Variants in UBE2D2 observed in about 807,000 individuals in gnomAD.
UBE2D2 encodes ubiquitin-conjugating enzyme E2 D2.
UBE2D2 carries 2 observed loss-of-function variants against 24.2 expected under a neutral mutation model. The ratio of observed to expected loss-of-function variants is 0.08; its 90% CI spans 0.03 to 0.26. UBE2D2 has a LOEUF of 0.26. UBE2D2 is among the 10% of genes least tolerant of loss of function. The pLI is 1.00. For synonymous variants in UBE2D2, 58 were observed against 56.5 expected, an observed-to-expected ratio of 1.03 and a Z score of -0.12; for missense variants, 44 against 177.6, an observed-to-expected ratio of 0.25 and a Z score of 4.28.
chr5:139,597,393 A>G (rs571859597), intron 1 of UBE2D2, among the ~76,000 whole-genome samples: 7 of 152,326 alleles, frequency 4.6e-5, no homozygotes, highest in South Asian at 2.1e-4. Context: ...CCATCAGCCA[A>G]GGAAGTGTTG....
At chr5:139,603,026 G>C (rs1379917259) in intron 2 of UBE2D2, among the ~76,000 whole-genome samples, 2 of 151,996 alleles carry the variant, frequency 1.3e-5, no homozygotes, top group African/African-American at 4.8e-5. Flanking sequence ...TTAGAAAAAA[G>C]TCCCATGAGA....
At chr5:139,548,999 C>A (rs960182875) in intron 1 of UBE2D2, among the ~76,000 whole-genome samples, 1 of 152,090 alleles carries the variant, frequency 6.6e-6, no homozygotes, top group Admixed American at 6.6e-5. Flanking sequence ...CAGGCGCGTG[C>A]CACCATGCCC....
chr5:139,552,633 C>T (rs1200113185), intron 1 of UBE2D2, among the ~76,000 whole-genome samples: 4 of 150,400 alleles, frequency 2.7e-5, no homozygotes, highest in Admixed American at 1.3e-4. Flanking sequence ...CTCAGCCTCC[C>T]GAGTAGCTGT....
intron 1 of UBE2D2, chr5:139,562,126 G>C (rs147671297): frequency 0.012 from 13,459 of 1,132,058 alleles, 124 homozygotes; most frequent in Middle Eastern, 0.035. Flanking sequence ...GGCCATTGTC[G>C]GGCCAGGATG....
chr5:139,548,984 G>C (rs1026628020), intron 1 of UBE2D2, among the ~76,000 whole-genome samples: 2 of 151,992 alleles, frequency 1.3e-5, no homozygotes, highest in Non-Finnish European at 2.9e-5. Flanking sequence ...GAGTAGCTGG[G>C]ATTACAGGCG....
intron 1 of UBE2D2, among the ~76,000 whole-genome samples, chr5:139,526,799 C>CA (rs533535296): frequency 3.2e-4 from 48 of 152,296 alleles, no homozygotes; most frequent in Admixed American, 1.9e-3. Context: ...GGTGTGCCTG[C>CA]ATTGGCACTT....
chr5:139,570,251 G>T (rs1368049080), intron 1 of UBE2D2, among the ~76,000 whole-genome samples: 1 of 152,108 alleles, frequency 6.6e-6, no homozygotes, highest in Admixed American at 6.6e-5. Context: ...AGCCTGGGCA[G>T]CAGAGCCAGA....
At chr5:139,536,145 G>T (rs1203512873) in intron 1 of UBE2D2, among the ~76,000 whole-genome samples, 6 of 151,370 alleles carry the variant, frequency 4.0e-5, no homozygotes, top group African/African-American at 1.5e-4. Context: ...TGTTGCCCAG[G>T]CTAGAGTGCA....
At chr5:139,540,739 C>A (rs1003896422) in intron 1 of UBE2D2, among the ~76,000 whole-genome samples, 18 of 152,100 alleles carry the variant, frequency 1.2e-4, no homozygotes, top group Non-Finnish European at 2.6e-4. Flanking sequence ...GCCTGTAATG[C>A]CAGCACTTTG....
At chr5:139,554,972 G>A (rs1484695544) in intron 1 of UBE2D2, 1 of 152,040 alleles carries the variant, frequency 6.6e-6, no homozygotes, top group Non-Finnish European at 1.5e-5. Flanking sequence ...TGATCAATTA[G>A]TTGTAAACAT....
upstream of UBE2D2, among the ~76,000 whole-genome samples, chr5:139,557,634 G>A (rs1753000004): frequency 6.6e-6 from 1 of 151,794 alleles, no homozygotes; most frequent in African/African-American, 2.4e-5. Context: ...CTGTATCCCA[G>A]CTACTTGGGA....
In UBE2D2 at chr5:139,547,806, T is replaced by C. The variant is rs562498978; in HGVS notation, c.-64+21194T>C. ...GCCTCTCAGGTTCAAGTGATTCTCC[T>C]GCCTCAGCCTCCTGAGTAGCTGGGA... On this transcript the variant is annotated intron_variant, in intron 1 of 6. Transcript: ENST00000511725. Among the ~76,000 whole-genome samples, 7 of 152,098 alleles carry C rather than the reference T, an allele frequency of 4.6e-5. No homozygotes were observed. The South Asian group carries it at 1.5e-3, about 32-fold the overall frequency.
At chr5:139,583,050 C>T (rs1398167765) in intron 1 of UBE2D2, among the ~76,000 whole-genome samples, 1 of 151,698 alleles carries the variant, frequency 6.6e-6, no homozygotes, top group Non-Finnish European at 1.5e-5. Flanking sequence ...TCTTGGCTCA[C>T]TCCATCTTCC....
At chr5:139,618,194 G>A (rs1054823212) in intron 5 of UBE2D2, among the ~76,000 whole-genome samples, 1 of 151,798 alleles carries the variant, frequency 6.6e-6, no homozygotes, top group African/African-American at 2.4e-5. Flanking sequence ...GGCTGGTCTC[G>A]AACTCCCAAC....
chr5:139,526,798 G>T (rs540121931), intron 1 of UBE2D2, among the ~76,000 whole-genome samples: 4 of 152,328 alleles, frequency 2.6e-5, no homozygotes, highest in African/African-American at 2.4e-5. Flanking sequence ...CGGTGTGCCT[G>T]CATTGGCACT....
At chr5:139,534,569 A>G (rs754760518) in intron 1 of UBE2D2, among the ~76,000 whole-genome samples, 4 of 115,276 alleles carry the variant, frequency 3.5e-5, no homozygotes, top group East Asian at 4.9e-4. Context: ...CTGTCTCAGG[A>G]AAAAAAAAAA....
chr5:139,549,296 C>G (rs1169616281), intron 1 of UBE2D2, among the ~76,000 whole-genome samples: 1 of 152,196 alleles, frequency 6.6e-6, no homozygotes, highest in Middle Eastern at 3.2e-3. Context: ...CCTCTCTGGG[C>G]TAGCTGAGGC....
At chr5:139,604,116 C>CAT (rs1319168140) in intron 2 of UBE2D2, among the ~76,000 whole-genome samples, 8 of 151,034 alleles carry the variant, frequency 5.3e-5, no homozygotes, top group Non-Finnish European at 1.2e-4. Context: ...TCATAAGGGA[C>CAT]ATATATCCAG....
rs1176491573 is a variant in UBE2D2 at position 139,551,425 on chromosome 5, A to G, written c.-64+24813A>G. ...TCTTCTCCAAGGACAGAAGAGGGAC[A>G]ATATTTGTCCTTCCTACTGGATTTT... On this transcript the variant is annotated intron_variant, in intron 1 of 6. Transcript: ENST00000511725. 3.3e-5 allele frequency among the ~76,000 whole-genome samples: 5 copies of G among 152,340 alleles called. No homozygotes were observed. In the East Asian group the frequency reaches 9.6e-4, roughly 29 times the overall value.
Sources: allele counts gnomAD v4.1 joint callset (sites outside exome capture counted in the v4.1 genomes callset), GRCh38; gene constraint gnomAD v4.1.1; transcripts MANE v1.5; gene names NCBI Gene and HGNC (gene_info 2026-07-23, HGNC 2026-07-21).